DAB1: variants seen among roughly 807,000 people sequenced by gnomAD.
DAB1 encodes disabled homolog 1.
A neutral mutation model predicts 64.6 loss-of-function variants in DAB1; 15 were observed. The observed-to-expected ratio is 0.23, with a 90% CI of 0.16 to 0.36. DAB1 has a LOEUF of 0.36. Ranked by LOEUF, DAB1 falls within the 10% of genes least tolerant of loss-of-function variation. The probability of loss-of-function intolerance (pLI) is 1.00; values close to 1 mark genes in which losing one functional copy is unlikely to be tolerated. For synonymous variants in DAB1, 235 were observed against 251.9 expected, an observed-to-expected ratio of 0.93 and a Z score of 0.64; for missense variants, 596 against 706.7, an observed-to-expected ratio of 0.84 and a Z score of 1.78.
intron 7 of DAB1, among the ~76,000 whole-genome samples, chr1:57,623,193 C>T (rs1645882695): frequency 6.6e-6 from 1 of 152,138 alleles, no homozygotes; most frequent in South Asian, 2.1e-4. Context: ...GCCGGCAGAG[C>T]TGACAGGAAG....
intron 4 of DAB1, among the ~76,000 whole-genome samples, chr1:58,223,860 C>T (rs1292521969): frequency 6.6e-6 from 1 of 152,228 alleles, no homozygotes; most frequent in Non-Finnish European, 1.5e-5. Context: ...CTACATCTTC[C>T]ACAAACCAAT....
chr1:58,269,522 A>C (rs1271259510), intron 4 of DAB1, among the ~76,000 whole-genome samples: 31 of 94,892 alleles, frequency 3.3e-4, no homozygotes, highest in Admixed American at 6.9e-4. Flanking sequence ...ATTTATAGTC[A>C]TTTGGGTATA....
At position 57,943,754 on chromosome 1, in the gene DAB1, G is replaced by T. The variant is rs145974186; in HGVS notation, n.388-59592C>A. On this transcript the variant is annotated intron_variant and non_coding_transcript_variant, in intron 5 of 20. Coordinates refer to the DAB1 transcript ENST00000485760. ...AAAGCCAAGAGCAGTTTTATGTTACGTAATTACCTAAATCACCCTCTACCA... is the reference window on the plus strand; with the variant it reads ...AAAGCCAAGAGCAGTTTTATGTTACTTAATTACCTAAATCACCCTCTACCA... Among the ~76,000 whole-genome samples the T allele has an allele frequency of 1.4e-3, 210 of 152,174 alleles. 8 individuals carry two copies. The South Asian group carries it at 0.042, about 30-fold the overall frequency.
At chr1:57,223,271 G>A (rs779699606) in intron 2 of DAB1, among the ~76,000 whole-genome samples, 9 of 152,320 alleles carry the variant, frequency 5.9e-5, no homozygotes, top group Non-Finnish European at 7.3e-5. Context: ...CAGGAAAGTG[G>A]AGCTTTCCAG....
chr1:58,082,786 G>A (rs758680169), intron 5 of DAB1, among the ~76,000 whole-genome samples: 1 of 152,076 alleles, frequency 6.6e-6, no homozygotes, highest in East Asian at 1.9e-4. Flanking sequence ...TGTGCAGAGG[G>A]GACAGGACAC....
intron 7 of DAB1, among the ~76,000 whole-genome samples, chr1:57,577,330 G>C (rs1645262019): frequency 6.6e-6 from 1 of 151,988 alleles, no homozygotes; most frequent in South Asian, 2.1e-4. Context: ...GAAGCTTGGA[G>C]AGGTTGGGAA....
At chr1:57,132,609 C>T (rs942020291) in intron 4 of DAB1, among the ~76,000 whole-genome samples, 3 of 152,106 alleles carry the variant, frequency 2.0e-5, no homozygotes, top group Admixed American at 2.0e-4. Context: ...TTAGGATGCT[C>T]AGCTGGTAAG....
At chr1:57,125,235 T>A (rs1277213408) in intron 4 of DAB1, among the ~76,000 whole-genome samples, 1 of 152,160 alleles carries the variant, frequency 6.6e-6, no homozygotes, top group Non-Finnish European at 1.5e-5. Flanking sequence ...GCAGACCCCA[T>A]AGGTCCCTGA....
At chr1:57,271,021 T>C (rs770047394) in intron 2 of DAB1, among the ~76,000 whole-genome samples, 8 of 152,136 alleles carry the variant, frequency 5.3e-5, no homozygotes, top group Non-Finnish European at 1.0e-4. Context: ...TCACCCAAAG[T>C]ATAAAAGTTG....
At chr1:57,533,270 T>C (rs191906161) in intron 7 of DAB1, among the ~76,000 whole-genome samples, 264 of 152,168 alleles carry the variant, frequency 1.7e-3, no homozygotes, top group African/African-American at 6.1e-3. Context: ...ATTTCTTTCC[T>C]TATGTCAAAA....
chr1:58,483,166 C>T (rs1408195957), intron 3 of DAB1, among the ~76,000 whole-genome samples: 1 of 152,086 alleles, frequency 6.6e-6, no homozygotes, highest in Admixed American at 6.5e-5. Context: ...TGCCATCTGC[C>T]CCCTCTCCCA....
At chr1:57,064,864 T>C (rs1650747767) in intron 8 of DAB1, among the ~76,000 whole-genome samples, 1 of 152,198 alleles carries the variant, frequency 6.6e-6, no homozygotes, top group African/African-American at 2.4e-5. Context: ...TCTTTGCTCC[T>C]GATAACTGAG....
intron 6 of DAB1, among the ~76,000 whole-genome samples, chr1:57,799,225 A>G (rs928930472): frequency 6.6e-6 from 1 of 152,200 alleles, no homozygotes; most frequent in Non-Finnish European, 1.5e-5. Flanking sequence ...GAGAGTAGTT[A>G]TAGAGCAGCT....
At chr1:58,409,303 C>T (rs528321009) in intron 3 of DAB1, among the ~76,000 whole-genome samples, 2 of 152,232 alleles carry the variant, frequency 1.3e-5, no homozygotes, top group South Asian at 2.1e-4. Context: ...AATTGAACCT[C>T]ATACAGGTGA....
chr1:57,620,213 A>G (rs191381196), intron 7 of DAB1, among the ~76,000 whole-genome samples: 95 of 152,230 alleles, frequency 6.2e-4, no homozygotes, highest in African/African-American at 2.2e-3. Flanking sequence ...AGAGGAGCTC[A>G]GTGCGAGAAG....
At chr1:57,013,040 C>G (rs1467436065) in intron 12 of DAB1, among the ~76,000 whole-genome samples, 1 of 152,232 alleles carries the variant, frequency 6.6e-6, no homozygotes, top group Non-Finnish European at 1.5e-5. Flanking sequence ...TTTCTCGACA[C>G]TAGAGGAAGG....
At chr1:57,307,559 C>T (rs1019804325) in intron 1 of DAB1, among the ~76,000 whole-genome samples, 7 of 152,076 alleles carry the variant, frequency 4.6e-5, no homozygotes, top group African/African-American at 1.7e-4. Flanking sequence ...GCCACACCCT[C>T]TTTCCCTTTC....
chr1:58,114,330 G>A (rs898256995), intron 5 of DAB1, among the ~76,000 whole-genome samples: 1 of 152,200 alleles, frequency 6.6e-6, no homozygotes, highest in Non-Finnish European at 1.5e-5. Flanking sequence ...GCCTCCTGAA[G>A]GAGAAAGAAA....
intron 4 of DAB1, among the ~76,000 whole-genome samples, chr1:58,294,122 A>G (rs1661913401): frequency 1.3e-5 from 2 of 152,294 alleles, no homozygotes; most frequent in South Asian, 4.1e-4. Flanking sequence ...AGTAGACTCA[A>G]GCAACCGACA....
Sources: gnomAD v4.1 joint callset for allele counts (sites outside exome capture counted in the v4.1 genomes callset) on GRCh38, gnomAD v4.1.1 for gene constraint, MANE v1.5 for transcripts, NCBI Gene and HGNC (gene_info 2026-07-23, HGNC 2026-07-21) for gene names.